The following CD160 variants were observed in gnomAD, a reference collection of about 807,000 sequenced individuals.
CD160 encodes CD160 antigen.
Under a neutral mutation model 19.2 loss-of-function variants are expected in CD160, and 11 were observed. The ratio of observed to expected loss-of-function variants is 0.57; its 90% CI spans 0.36 to 0.95. The LOEUF (loss-of-function observed/expected upper bound fraction) is 0.95. Ranked by LOEUF, CD160 falls within the 40% of genes least tolerant of loss-of-function variation. The pLI is 0.01. For synonymous variants in CD160, 75 were observed against 81.1 expected (o/e 0.93, Z 0.40); for missense variants, 182 against 213.2 (o/e 0.85, Z 0.91).
rs143206017 is a variant in CD160 at position 145,730,865 on chromosome 1, T to C, written c.195T>C (p.Ser65=). ...GFVVFLCKDR[S]GDCSPETSLK... ...TAGTGTTTTTGTGCAAGGACAGGTC[T>C]GGAGACTGTTCTCCTGAGACCAGTT... Residue 65 remains serine (S), a synonymous_variant, in exon 4 of 6, where the codon TCT becomes TCC. Coordinates refer to ENST00000369288, the MANE Select transcript of CD160 (RefSeq NM_007053.4). 3.7e-6 allele frequency: 6 copies of C among 1,613,876 alleles called. No homozygotes were observed. The highest frequency in any genetic ancestry group is 5.1e-6 in the Non-Finnish European group (6 of 1,179,930).
chr1:145,735,497 G>C (rs1657446022), intron 4 of CD160, among the ~76,000 whole-genome samples: 2 of 152,042 alleles, frequency 1.3e-5, no homozygotes, highest in African/African-American at 4.8e-5. Context: ...GAGGTGGGAG[G>C]ATCGATTGGG....
chr1:145,731,118 G>A (rs782551643), intron 4 of CD160, 48 bp downstream of exon 4: 1 of 1,437,542 alleles, frequency 7.0e-7, no homozygotes, highest in South Asian at 1.2e-5. Context: ...CAGTGAGCAG[G>A]GTTGACAGTG....
At chr1:145,719,723 G>A (rs1251769783) in intron 1 of CD160, among the ~76,000 whole-genome samples, 164 bp downstream of exon 1, 1 of 152,168 alleles carries the variant, frequency 6.6e-6, no homozygotes, top group Non-Finnish European at 1.5e-5. Context: ...ATTTCTGCCC[G>A]CCAGACCAGC....
At chr1:145,729,755 A>C (rs1553708854) in intron 3 of CD160, among the ~76,000 whole-genome samples, 1 of 152,190 alleles carries the variant, frequency 6.6e-6, no homozygotes, top group African/African-American at 2.4e-5. Flanking sequence ...TTTGGATATC[A>C]ATGGTCCCTC....
intron 1 of CD160, among the ~76,000 whole-genome samples, chr1:145,722,864 G>A (rs1656908611): frequency 6.6e-6 from 1 of 152,138 alleles, no homozygotes; most frequent in African/African-American, 2.4e-5. Context: ...AAAGTGCTGG[G>A]ATTACAGGCG....
intron 1 of CD160, among the ~76,000 whole-genome samples, chr1:145,721,299 G>A (rs1425215517): frequency 1.3e-5 from 2 of 152,200 alleles, no homozygotes; most frequent in Non-Finnish European, 2.9e-5. Context: ...CAGGTAGGGG[G>A]TCACTCGGCT....
At chr1:145,723,289 A>C (rs1275666308) in intron 1 of CD160, among the ~76,000 whole-genome samples, 2 of 152,210 alleles carry the variant, frequency 1.3e-5, no homozygotes, top group African/African-American at 4.8e-5. Context: ...AGTACTGTAT[A>C]GTTTGTATCC....
chr1:145,730,628 T>C, intron 3 of CD160, 116 bp from the exon 4 acceptor site: 1 of 761,070 alleles, frequency 1.3e-6, no homozygotes, highest in Non-Finnish European at 2.1e-6. Context: ...CTGCCAGCAC[T>C]ACTGCCAGGT....
intron 3 of CD160, among the ~76,000 whole-genome samples, chr1:145,729,216 T>A (rs902976516): frequency 1.3e-5 from 2 of 152,158 alleles, no homozygotes; most frequent in Non-Finnish European, 2.9e-5. Context: ...AAGACCCATA[T>A]CTCTTACTCT....
At chr1:145,727,846 G>T (rs1471629) in intron 2 of CD160, among the ~76,000 whole-genome samples, 42,925 of 151,964 alleles carry the variant, frequency 0.28, 6,879 homozygotes, top group Non-Finnish European at 0.35. Flanking sequence ...CATCAGATTG[G>T]CAAAAATGTT....
intron 1 of CD160, among the ~76,000 whole-genome samples, chr1:145,721,985 C>G (rs1656869234): frequency 6.6e-6 from 1 of 152,178 alleles, no homozygotes; most frequent in Non-Finnish European, 1.5e-5. Context: ...GAAAGACTCT[C>G]ATAACTTGGG....
intron 2 of CD160, among the ~76,000 whole-genome samples, chr1:145,727,590 T>TG (rs1194493526): frequency 5.3e-5 from 8 of 151,954 alleles, no homozygotes; most frequent in African/African-American, 1.9e-4. Context: ...ACTTTCCTTG[T>TG]GAAAAAAAAG....
intron 3 of CD160, among the ~76,000 whole-genome samples, chr1:145,729,364 G>A (rs1196762683): frequency 6.6e-6 from 1 of 152,160 alleles, no homozygotes; most frequent in Non-Finnish European, 1.5e-5. Context: ...GGATCAAGCT[G>A]CCAAGGGAGT....
intron 3 of CD160, among the ~76,000 whole-genome samples, chr1:145,729,375 G>T (rs1034328735): frequency 6.6e-6 from 1 of 152,178 alleles, no homozygotes; most frequent in Non-Finnish European, 1.5e-5. Context: ...CCAAGGGAGT[G>T]GGGGAGGGGG....
At chr1:145,729,413 G>C (rs1362239243) in intron 3 of CD160, among the ~76,000 whole-genome samples, 1 of 152,202 alleles carries the variant, frequency 6.6e-6, no homozygotes, top group East Asian at 1.9e-4. Flanking sequence ...TGCCGGATGA[G>C]TTTTCAGCAG....
Position 145,732,422 on chromosome 1 carries a change from C to T in CD160, c.400+1352C>T, listed in dbSNP as rs1043339632. Among the ~76,000 whole-genome samples, 8 of 152,022 alleles carry T rather than the reference C, an allele frequency of 5.3e-5. 1 individual carries two copies. Among genetic ancestry groups the T allele is most frequent in the South Asian group, 4.1e-4 (2 of 4,822 alleles). Reference sequence around the variant, plus strand: ...TCTAGGCTGGACACAGTGGCTCATGCCAGCACTTTTGGAGGCCAAGGTGGG... The same window carrying T: ...TCTAGGCTGGACACAGTGGCTCATGTCAGCACTTTTGGAGGCCAAGGTGGG... On this transcript the variant is annotated intron_variant, in intron 4 of 5. Coordinates refer to ENST00000369288, the MANE Select transcript of CD160 (RefSeq NM_007053.4).
At chr1:145,738,459 G>A in intron 5 of CD160, 27 bp from the exon 6 acceptor site, 2 of 1,316,476 alleles carry the variant, frequency 1.5e-6, no homozygotes, top group South Asian at 5.9e-5. Flanking sequence ...AAGTTATAAG[G>A]CAGTAATACA....
intron 5 of CD160, chr1:145,737,748 G>C (rs1398264281): frequency 1.1e-5 from 1 of 93,340 alleles, no homozygotes; most frequent in Non-Finnish European, 1.9e-5. Flanking sequence ...AGTCATCCTA[G>C]AGCAAAAAAA....
chr1:145,728,164 A>C (rs185234040), intron 2 of CD160, 92 bp from the exon 3 acceptor site: 1 of 606,578 alleles, frequency 1.6e-6, no homozygotes, highest in African/African-American at 1.8e-5. Context: ...TACCTCCATC[A>C]TACTCTAGCC....
Sources: allele counts gnomAD v4.1 joint callset (sites outside exome capture counted in the v4.1 genomes callset), GRCh38; gene constraint gnomAD v4.1.1; transcripts MANE v1.5; gene names NCBI Gene and HGNC (gene_info 2026-07-23, HGNC 2026-07-21).